The following OR3A2 variants were observed in gnomAD, a reference collection of about 807,000 sequenced individuals.
OR3A2 encodes the protein olfactory receptor family 3 subfamily A member 2, also known as olfactory receptor 3A2.
For synonymous variants in OR3A2, 126 were observed against 159.3 expected (o/e 0.79, Z 1.57); for missense variants, 318 against 392.8 (o/e 0.81, Z 1.61).
intron 3 of OR3A2, among the ~76,000 whole-genome samples, chr17:3,316,113 T>C (rs1321512178): frequency 6.6e-6 from 1 of 152,154 alleles, no homozygotes; most frequent in Non-Finnish European, 1.5e-5. Flanking sequence ...CACTTCCCTA[T>C]TGCACAGTTT....
exon 1 of OR3A2, chr17:3,386,290 G>A (rs1317152275): frequency 1.8e-5 from 7 of 398,212 alleles, no homozygotes; most frequent in East Asian, 3.6e-5. Context: ...CATGTCCTAC[G>A]ACCGCCCGAC....
At chr17:3,378,159 T>A (rs778221508) in intron 2 of OR3A2, among the ~76,000 whole-genome samples, 52 of 152,174 alleles carry the variant, frequency 3.4e-4, no homozygotes, top group Non-Finnish European at 4.4e-5. Context: ...CCTAGGAACC[T>A]GTCTGCCTTT....
chr17:3,372,279 A>G, intron 2 of OR3A2, among the ~76,000 whole-genome samples: 2 of 148,234 alleles, frequency 1.3e-5, no homozygotes, highest in South Asian at 4.5e-4. Flanking sequence ...GGCCGGGAAG[A>G]GGCACTCCTC....
chr17:3,368,289 T>C (rs1443618637), intron 2 of OR3A2, among the ~76,000 whole-genome samples: 1 of 152,258 alleles, frequency 6.6e-6, no homozygotes, highest in Admixed American at 6.5e-5. Context: ...TTTTGGGTTC[T>C]TGATCATAAA....
intron 3 of OR3A2, among the ~76,000 whole-genome samples, chr17:3,308,341 T>G (rs1474165178): frequency 5.3e-5 from 8 of 152,118 alleles, no homozygotes. Context: ...CAGAGGCTGC[T>G]GGGCCGGCGG....
At chr17:3,360,589 T>G (rs1326381820) in intron 2 of OR3A2, among the ~76,000 whole-genome samples, 1 of 151,782 alleles carries the variant, frequency 6.6e-6, no homozygotes, top group Admixed American at 6.6e-5. Flanking sequence ...TGAATTAATT[T>G]TCGTATAAGG....
intron 2 of OR3A2, among the ~76,000 whole-genome samples, chr17:3,359,931 T>C (rs144287729): frequency 0.016 from 2,412 of 151,946 alleles, 158 homozygotes; most frequent in African/African-American, 0.055. Flanking sequence ...TTCAGGTATA[T>C]ACCCAGTAAT....
intron 2 of OR3A2, among the ~76,000 whole-genome samples, chr17:3,372,847 A>AGGAGAGGGAGAGGAGAGGGAGAGGGAGAG (rs2049643331): frequency 3.1e-5 from 2 of 65,074 alleles, no homozygotes; most frequent in Non-Finnish European, 3.3e-5. Context: ...GAGAAGGAGA[A>AGGAGAGGGAGAGGAGAGGGAGAGGGAGAG]GGAGAGGGAG....
intron 3 of OR3A2, among the ~76,000 whole-genome samples, chr17:3,315,986 C>T (rs775625509): frequency 3.9e-5 from 6 of 152,082 alleles, no homozygotes; most frequent in Admixed American, 6.6e-5. Context: ...AAGAGAATAG[C>T]CCTGGTGGAC....
At chr17:3,369,598 A>G (rs1317049595) in intron 2 of OR3A2, among the ~76,000 whole-genome samples, 1 of 151,842 alleles carries the variant, frequency 6.6e-6, no homozygotes, top group Admixed American at 6.6e-5. Flanking sequence ...ATCTTCGTAT[A>G]TTATATTTTC....
At chr17:3,382,764 T>C (rs529797536) in intron 2 of OR3A2, among the ~76,000 whole-genome samples, 1 of 152,346 alleles carries the variant, frequency 6.6e-6, no homozygotes, top group East Asian at 1.9e-4. Flanking sequence ...TACTCATTCT[T>C]CCAAAATCAG....
At chr17:3,294,944 AGTTTT>A (rs529338871) in intron 3 of OR3A2, among the ~76,000 whole-genome samples, 63 of 152,278 alleles carry the variant, frequency 4.1e-4, no homozygotes, top group African/African-American at 1.5e-3. Context: ...CAGACTTCAG[AGTTTT>A]GTTTTGTTTG....
At chr17:3,338,213 C>T (rs1293148013) in intron 2 of OR3A2, among the ~76,000 whole-genome samples, 1 of 152,120 alleles carries the variant, frequency 6.6e-6, no homozygotes, top group Non-Finnish European at 1.5e-5. Context: ...TTCTCCCATT[C>T]TGTAGGTTGC....
chr17:3,339,205 C>T (rs922385759), intron 2 of OR3A2, among the ~76,000 whole-genome samples: 7 of 152,094 alleles, frequency 4.6e-5, no homozygotes, highest in African/African-American at 7.2e-5. Context: ...TAATCATGTC[C>T]TCTGCAAACA....
chr17:3,334,766 A>C (rs1053877019), intron 3 of OR3A2, among the ~76,000 whole-genome samples: 11 of 152,220 alleles, frequency 7.2e-5, no homozygotes, highest in Non-Finnish European at 1.3e-4. Flanking sequence ...CTATCCATTT[A>C]TTCAAGTGTT....
intron 3 of OR3A2, among the ~76,000 whole-genome samples, chr17:3,299,723 G>A (rs760957727): frequency 8.5e-5 from 13 of 152,158 alleles, no homozygotes; most frequent in Non-Finnish European, 1.5e-4. Context: ...CTGACGTGGT[G>A]TACACTCACA....
At chr17:3,373,769 T>C (rs1182511063) in intron 2 of OR3A2, among the ~76,000 whole-genome samples, 2 of 152,196 alleles carry the variant, frequency 1.3e-5, no homozygotes, top group African/African-American at 4.8e-5. Context: ...ATCTTTTAAC[T>C]GGGGCACTTA....
chr17:3,281,150 G>A (rs2048774302), intron 1 of OR3A2, among the ~76,000 whole-genome samples: 1 of 152,102 alleles, frequency 6.6e-6, no homozygotes, highest in Non-Finnish European at 1.5e-5. Context: ...AGATTTATGT[G>A]GGAGCCCCCA....
chr17:3,331,472 C>T (rs1386633481), intron 3 of OR3A2, among the ~76,000 whole-genome samples: 1 of 151,812 alleles, frequency 6.6e-6, no homozygotes. Flanking sequence ...ATTTCATCTT[C>T]CATCGCTGAT....
Sources: gnomAD v4.1 joint callset for allele counts (sites outside exome capture counted in the v4.1 genomes callset) on GRCh38, gnomAD v4.1.1 for gene constraint, MANE v1.5 for transcripts, NCBI Gene and HGNC (gene_info 2026-07-23, HGNC 2026-07-21) for gene names.